GPR158: variants seen among roughly 807,000 people sequenced by gnomAD.
GPR158 encodes the protein G protein-coupled receptor 158.
A neutral mutation model predicts 78.2 loss-of-function variants in GPR158; 30 were observed. The ratio of observed to expected loss-of-function variants is 0.38; its 90% CI spans 0.29 to 0.52. The LOEUF is 0.52. GPR158 is among the 20% of genes least tolerant of loss of function. The pLI, the probability that GPR158 is intolerant of heterozygous loss-of-function variation, is 0.83. For missense variants in GPR158, 1,463 were observed against 1,523.5 expected (o/e 0.96, Z 0.66); for synonymous variants, 581 against 591.1 (o/e 0.98, Z 0.25).
chr10:25,247,820 G>T (rs1274755093), intron 2 of GPR158, among the ~76,000 whole-genome samples: 1 of 148,654 alleles, frequency 6.7e-6, no homozygotes, highest in African/African-American at 2.5e-5. Flanking sequence ...TAGTCCTTTG[G>T]GTATATACCC....
In GPR158 at chr10:25,236,425, A is replaced by G. The variant is rs556224627; in HGVS notation, c.1008+15268A>G. Among the ~76,000 whole-genome samples the G allele has an allele frequency of 5.3e-5, 8 of 152,210 alleles. No homozygotes were observed. In the East Asian group the frequency reaches 1.2e-3, roughly 22 times the overall value. On this transcript the variant is annotated intron_variant, in intron 2 of 10. Coordinates refer to ENST00000376351, the MANE Select transcript of GPR158 (RefSeq NM_020752.3). ...CGGGAGGCTGAGGCGGGAGAATGGC[A>G]TGAACCCGGGAGGTGGAGCTTGCAG...
intron 4 of GPR158, among the ~76,000 whole-genome samples, chr10:25,415,809 C>T (rs1773688): frequency 1.3e-5 from 2 of 151,782 alleles, no homozygotes; most frequent in African/African-American, 4.8e-5. Flanking sequence ...CAAATTCATA[C>T]AGACAAGTAG....
At chr10:25,387,743 T>A (rs1382752097) in intron 2 of GPR158, among the ~76,000 whole-genome samples, 1 of 152,246 alleles carries the variant, frequency 6.6e-6, no homozygotes, top group East Asian at 1.9e-4. Context: ...CTCGATCTCC[T>A]GACCTCATGA....
intron 2 of GPR158, among the ~76,000 whole-genome samples, chr10:25,319,711 G>A (rs1269527908): frequency 6.6e-6 from 1 of 151,974 alleles, no homozygotes; most frequent in African/African-American, 2.4e-5. Context: ...TCACATCGGC[G>A]ACATCGTTCT....
intron 6 of GPR158, among the ~76,000 whole-genome samples, chr10:25,571,465 A>G (rs959915566): frequency 1.3e-5 from 2 of 152,194 alleles, no homozygotes; most frequent in African/African-American, 4.8e-5. Context: ...TAATCTTTAT[A>G]AAAAATTCAT....
intron 2 of GPR158, among the ~76,000 whole-genome samples, chr10:25,254,871 A>G (rs561073158): frequency 6.6e-6 from 1 of 152,332 alleles, no homozygotes; most frequent in South Asian, 2.1e-4. Context: ...TTCTAAAACT[A>G]CTTTTTCAAG....
Position 25,596,644 on chromosome 10 carries a change from T to C in GPR158, c.2000T>C (p.Phe667Ser). 1 of 1,612,194 alleles carries C rather than the reference T, an allele frequency of 6.2e-7. No individual in the cohort carries two copies. The highest frequency in any genetic ancestry group is 1.1e-5 in the South Asian group (1 of 90,846). The part of the protein sequence containing the change: ...VTIGLLLIPK[F>S]SHSSNNPRDD... Reference sequence around the variant, plus strand: ...CTGCTCATACTGAATTTGTTTCAGTTTTCACATTCAAGCAATAACCCACGA... The same window carrying C: ...CTGCTCATACTGAATTTGTTTCAGTCTTCACATTCAAGCAATAACCCACGA... Residue 667 changes from phenylalanine to serine, a missense_variant and splice_region_variant, in exon 10 of 11, where the codon TTT (phenylalanine) becomes TCT (serine). Physicochemically the swap from Phe to Ser is radical, Grantham distance 155 (BLOSUM62 -2). Coordinates refer to ENST00000376351, the MANE Select transcript of GPR158 (RefSeq NM_020752.3).
chr10:25,448,603 G>A (rs1340319403), intron 4 of GPR158, among the ~76,000 whole-genome samples: 1 of 152,142 alleles, frequency 6.6e-6, no homozygotes, highest in African/African-American at 2.4e-5. Flanking sequence ...GTGTTCAAAT[G>A]TTTTTCTTTC....
chr10:25,392,350 C>T (rs1834311448), intron 2 of GPR158, among the ~76,000 whole-genome samples: 1 of 152,156 alleles, frequency 6.6e-6, no homozygotes. Flanking sequence ...ACTTGGCTTG[C>T]CCTTGGCAGG....
chr10:25,443,002 C>T (rs949250857), intron 4 of GPR158, among the ~76,000 whole-genome samples: 5 of 152,146 alleles, frequency 3.3e-5, no homozygotes, highest in Non-Finnish European at 7.3e-5. Context: ...GACCAAAATC[C>T]TAAACCACAC....
chr10:25,433,818 G>A (rs1038553445), intron 4 of GPR158, among the ~76,000 whole-genome samples: 2 of 150,252 alleles, frequency 1.3e-5, no homozygotes, highest in Non-Finnish European at 3.0e-5. Flanking sequence ...ACAGACCTGA[G>A]CCACTGAACC....
intron 2 of GPR158, among the ~76,000 whole-genome samples, chr10:25,253,671 G>C (rs1853847487): frequency 6.6e-6 from 1 of 152,082 alleles, no homozygotes; most frequent in Non-Finnish European, 1.5e-5. Context: ...AAACATATGA[G>C]CCATGCTGAA....
chr10:25,532,131 TA>T (rs1308646057), intron 5 of GPR158, among the ~76,000 whole-genome samples: 1 of 152,244 alleles, frequency 6.6e-6, no homozygotes, highest in Non-Finnish European at 1.5e-5. Flanking sequence ...TGTTGTACTA[TA>T]TGTTTTGCAC....
intron 2 of GPR158, among the ~76,000 whole-genome samples, chr10:25,366,907 GTCTA>G (rs149716262): frequency 6.6e-6 from 1 of 151,740 alleles, no homozygotes; most frequent in African/African-American, 2.4e-5. Context: ...ACATTGGCAT[GTCTA>G]TCTTTTTCTT....
At position 25,309,538 on chromosome 10, in the gene GPR158, T is replaced by C. The variant is rs148267285; in HGVS notation, c.1009-86373T>C. Among the ~76,000 whole-genome samples, 10 of 152,300 alleles carry C rather than the reference T, an allele frequency of 6.6e-5. No homozygotes were observed. The East Asian group carries it at 1.7e-3, about 26-fold the overall frequency. On this transcript the variant is annotated intron_variant, in intron 2 of 10. Coordinates refer to ENST00000376351, the MANE Select transcript of GPR158 (RefSeq NM_020752.3). Reference sequence around the variant, plus strand: ...AGTGTCCTTTGCTGCAGAAAGCTTTTAATTTTTATAAAGTTCAGTTTTTCT... The same window carrying C: ...AGTGTCCTTTGCTGCAGAAAGCTTTCAATTTTTATAAAGTTCAGTTTTTCT...
At chr10:25,471,371 T>G (rs1835498912) in intron 5 of GPR158, among the ~76,000 whole-genome samples, 1 of 152,210 alleles carries the variant, frequency 6.6e-6, no homozygotes, top group African/African-American at 2.4e-5. Flanking sequence ...GATAGATATT[T>G]GGGTCGGTTC....
intron 4 of GPR158, among the ~76,000 whole-genome samples, chr10:25,454,052 AATTC>A (rs1835258935): frequency 6.6e-6 from 1 of 152,110 alleles, no homozygotes; most frequent in Admixed American, 6.6e-5. Flanking sequence ...TAAATTTTTC[AATTC>A]ATTAACATGG....
intron 2 of GPR158, among the ~76,000 whole-genome samples, chr10:25,302,529 G>A (rs942666894): frequency 3.9e-5 from 6 of 152,068 alleles, no homozygotes; most frequent in African/African-American, 1.5e-4. Context: ...TTTCTAGGTA[G>A]GGTCTAGAAT....
chr10:25,584,058 G>A (rs764155646), intron 7 of GPR158, among the ~76,000 whole-genome samples: 20 of 152,132 alleles, frequency 1.3e-4, no homozygotes, highest in Non-Finnish European at 2.5e-4. Flanking sequence ...TTTTTCAAAG[G>A]CTATGGTAGT....
Sources: gnomAD v4.1 joint callset for allele counts (sites outside exome capture counted in the v4.1 genomes callset) on GRCh38, gnomAD v4.1.1 for gene constraint, MANE v1.5 for transcripts, NCBI Gene and HGNC (gene_info 2026-07-23, HGNC 2026-07-21) for gene names.